SYT1: variants seen among roughly 807,000 people sequenced by gnomAD.
SYT1 encodes the protein synaptotagmin 1, also known as synaptotagmin-1.
SYT1 carries 8 observed loss-of-function variants against 44.8 expected under a neutral mutation model. The observed-to-expected ratio is 0.18, with a 90% CI of 0.10 to 0.32. The LOEUF is 0.32. SYT1 is among the 10% of genes least tolerant of loss of function. The pLI is 1.00. For missense variants in SYT1, 286 were observed against 509.3 expected (o/e 0.56, Z 4.22); for synonymous variants, 154 against 188.8 (o/e 0.82, Z 1.51).
intron 8 of SYT1, among the ~76,000 whole-genome samples, chr12:79,327,283 G>A (rs61928802): frequency 0.06 from 9,159 of 152,074 alleles, 328 homozygotes; most frequent in African/African-American, 0.1. Context: ...TATATTCAGA[G>A]CTCTGCATAT....
intron 9 of SYT1, among the ~76,000 whole-genome samples, chr12:79,374,615 A>ATAGGAT (rs1883920950): frequency 6.6e-6 from 1 of 152,226 alleles, no homozygotes. Flanking sequence ...ATGTCACCAG[A>ATAGGAT]AGGATAGGAA....
chr12:78,908,580 C>T (rs957367193), intron 1 of SYT1, among the ~76,000 whole-genome samples: 9 of 151,952 alleles, frequency 5.9e-5, no homozygotes, highest in South Asian at 2.1e-4. Context: ...CTCTAATGAT[C>T]AGTACTTAAA....
rs74107346 is a variant in SYT1 at position 79,205,482 on chromosome 12, C to T, written c.-17-12021C>T. On this transcript the variant is annotated intron_variant, in intron 3 of 10. Coordinates refer to ENST00000261205, the MANE Select transcript of SYT1 (RefSeq NM_005639.3). The stretch of plus-strand genomic sequence containing the variant: ...TATTTTATTTATAGAGAAATGAATG[C>T]GTAATAAGTGGATTATCAGCAAAAC... 3.9e-3 allele frequency among the ~76,000 whole-genome samples: 592 copies of T among 152,050 alleles called. 8 individuals carry two copies. The highest frequency in any genetic ancestry group is 0.014 in the African/African-American group (574 of 41,520).
intron 1 of SYT1, among the ~76,000 whole-genome samples, chr12:78,976,821 G>A (rs1407230640): frequency 6.6e-6 from 1 of 152,046 alleles, no homozygotes; most frequent in Non-Finnish European, 1.5e-5. Flanking sequence ...GCTCTACTAT[G>A]CAAAGCCTCA....
intron 9 of SYT1, among the ~76,000 whole-genome samples, chr12:79,361,196 T>C (rs577978620): frequency 4.6e-5 from 7 of 152,290 alleles, no homozygotes; most frequent in Non-Finnish European, 8.8e-5. Flanking sequence ...CAGACACTGT[T>C]CTAAATGCTT....
At chr12:78,949,325 T>G (rs1878839446) in intron 1 of SYT1, among the ~76,000 whole-genome samples, 1 of 151,842 alleles carries the variant, frequency 6.6e-6, no homozygotes, top group Non-Finnish European at 1.5e-5. Flanking sequence ...TATATTAAAA[T>G]GGGTGTGAAA....
chr12:79,064,624 T>A (rs1379877976), intron 3 of SYT1, among the ~76,000 whole-genome samples: 1 of 152,112 alleles, frequency 6.6e-6, no homozygotes, highest in Non-Finnish European at 1.5e-5. Context: ...ATGAGAAGAC[T>A]AAGGGATTTT....
intron 3 of SYT1, among the ~76,000 whole-genome samples, chr12:79,112,318 G>T (rs1320087826): frequency 1.3e-5 from 2 of 152,058 alleles, no homozygotes; most frequent in Non-Finnish European, 1.5e-5. Flanking sequence ...TTGAGTAAAA[G>T]CTACGATGTG....
chr12:78,913,784 A>T lies in SYT1; in HGVS notation c.-217+48675A>T, dbSNP rs376954851. Among the ~76,000 whole-genome samples the T allele has an allele frequency of 3.9e-5, 6 of 151,910 alleles. No homozygotes were observed. In the East Asian group the frequency reaches 7.7e-4, roughly 20 times the overall value. The stretch of plus-strand genomic sequence containing the variant: ...AGTAATTACAGTCTAACCATTAACC[A>T]GTGATATAGATGGTGAACAAATCAA... On this transcript the variant is annotated intron_variant, in intron 1 of 10. Coordinates refer to ENST00000261205, the MANE Select transcript of SYT1 (RefSeq NM_005639.3).
intron 8 of SYT1, among the ~76,000 whole-genome samples, chr12:79,302,705 T>G (rs569299120): frequency 6.6e-6 from 1 of 152,168 alleles, no homozygotes; most frequent in African/African-American, 2.4e-5. Context: ...GTTCCGCAAA[T>G]TTACACAATC....
chr12:79,408,625 T>C (rs1465553527), intron 9 of SYT1, among the ~76,000 whole-genome samples: 1 of 152,090 alleles, frequency 6.6e-6, no homozygotes, highest in African/African-American at 2.4e-5. Context: ...TGACATGCTA[T>C]AAAAATACAA....
intron 1 of SYT1, among the ~76,000 whole-genome samples, chr12:78,903,564 C>T (rs1023425693): frequency 3.9e-5 from 6 of 151,992 alleles, no homozygotes; most frequent in Admixed American, 1.3e-4. Context: ...GGATTACAGG[C>T]GTGACCCACC....
At chr12:79,305,408 A>C (rs1351552115) in intron 8 of SYT1, among the ~76,000 whole-genome samples, 1 of 152,090 alleles carries the variant, frequency 6.6e-6, no homozygotes, top group African/African-American at 2.4e-5. Context: ...AACCACCCAA[A>C]GGTCTGGTCT....
chr12:79,235,307 A>T (rs1270529481), intron 4 of SYT1, among the ~76,000 whole-genome samples: 1 of 152,134 alleles, frequency 6.6e-6, no homozygotes, highest in African/African-American at 2.4e-5. Flanking sequence ...TAGTATGTGT[A>T]TAGAATATAT....
At chr12:79,081,390 T>A (rs1877021527) in intron 3 of SYT1, among the ~76,000 whole-genome samples, 2 of 152,002 alleles carry the variant, frequency 1.3e-5, no homozygotes, top group South Asian at 4.2e-4. Flanking sequence ...TCACTTTTTT[T>A]TTTTTTTTTG....
intron 3 of SYT1, among the ~76,000 whole-genome samples, chr12:79,131,629 A>G (rs1267281948): frequency 6.6e-6 from 1 of 152,230 alleles, no homozygotes; most frequent in African/African-American, 2.4e-5. Context: ...GTATAATCAG[A>G]TGTGTTATAA....
intron 9 of SYT1, among the ~76,000 whole-genome samples, chr12:79,371,350 T>C (rs529620791): frequency 2.0e-4 from 31 of 152,270 alleles, no homozygotes; most frequent in African/African-American, 6.7e-4. Context: ...CTCTAGAAGA[T>C]AATGAATGCT....
chr12:79,171,112 A>T (rs923958060), intron 3 of SYT1, among the ~76,000 whole-genome samples: 2 of 151,982 alleles, frequency 1.3e-5, no homozygotes, highest in Non-Finnish European at 2.9e-5. Context: ...ATATAGTTTG[A>T]AGTTGGGTAG....
At chr12:79,406,028 G>A (rs1885231397) in intron 9 of SYT1, among the ~76,000 whole-genome samples, 1 of 152,056 alleles carries the variant, frequency 6.6e-6, no homozygotes, top group African/African-American at 2.4e-5. Flanking sequence ...AAGAATGACA[G>A]GAAAGTAATG....
Sources: allele counts gnomAD v4.1 joint callset (sites outside exome capture counted in the v4.1 genomes callset), GRCh38; gene constraint gnomAD v4.1.1; transcripts MANE v1.5; gene names NCBI Gene and HGNC (gene_info 2026-07-23, HGNC 2026-07-21).